PDZD8: variants seen among roughly 807,000 people sequenced by gnomAD.
PDZD8 encodes the protein PDZ domain-containing protein 8.
PDZD8 carries 14 observed loss-of-function variants against 85.8 expected under a neutral mutation model. The ratio of observed to expected loss-of-function variants is 0.16; its 90% confidence interval spans 0.11 to 0.26. PDZD8 has a LOEUF of 0.26. Among genes scored for constraint, PDZD8 ranks in the 10% least tolerant of loss-of-function variants. The pLI is 1.00. For synonymous variants in PDZD8, 592 were observed against 568.6 expected (o/e 1.04, Z -0.59); for missense variants, 1,197 against 1,424.3 (o/e 0.84, Z 2.57).
At chr10:117,324,592 T>C (rs1484165390) in intron 2 of PDZD8, among the ~76,000 whole-genome samples, 1 of 152,182 alleles carries the variant, frequency 6.6e-6, no homozygotes, top group Non-Finnish European at 1.5e-5. Context: ...TTATAAGTAC[T>C]CTGGAATACA....
chr10:117,302,037 A>C (rs1843856540), intron 3 of PDZD8, among the ~76,000 whole-genome samples: 1 of 152,222 alleles, frequency 6.6e-6, no homozygotes, highest in African/African-American at 2.4e-5. Flanking sequence ...AAAGTTAATA[A>C]AACAATTTCT....
At chr10:117,361,974 T>C (rs1287089726) in intron 1 of PDZD8, among the ~76,000 whole-genome samples, 8 of 152,154 alleles carry the variant, frequency 5.3e-5, no homozygotes. Context: ...TGAGCATCTG[T>C]GGATTTTGGT....
intron 1 of PDZD8, among the ~76,000 whole-genome samples, chr10:117,345,933 C>T (rs1844698330): frequency 6.6e-6 from 1 of 152,058 alleles, no homozygotes; most frequent in African/African-American, 2.4e-5. Flanking sequence ...GATTAAAGAA[C>T]TATAGGGGTT....
chr10:117,318,754 C>A, intron 3 of PDZD8, 118 bp downstream of exon 3: 1 of 633,786 alleles, frequency 1.6e-6, no homozygotes, highest in Non-Finnish European at 2.7e-6. Flanking sequence ...TAAATAAGAA[C>A]TGTTCATAGC....
chr10:117,309,616 T>C (rs766468827), intron 3 of PDZD8, among the ~76,000 whole-genome samples: 8 of 152,050 alleles, frequency 5.3e-5, no homozygotes, highest in Non-Finnish European at 1.2e-4. Flanking sequence ...TATTTTCCAT[T>C]TCCATTGCCA....
At chr10:117,353,288 TC>T (rs1313699576) in intron 1 of PDZD8, among the ~76,000 whole-genome samples, 2 of 152,014 alleles carry the variant, frequency 1.3e-5, no homozygotes, top group African/African-American at 4.8e-5. Flanking sequence ...TGACTTGGAG[TC>T]CTAGAGGGAG....
intron 1 of PDZD8, among the ~76,000 whole-genome samples, chr10:117,344,202 G>A (rs1056967402): frequency 1.3e-5 from 2 of 152,120 alleles, no homozygotes; most frequent in Non-Finnish European, 2.9e-5. Context: ...AGTGAAATTC[G>A]TGAAAATTAT....
Position 117,281,322 on chromosome 10 carries a change from C to A in PDZD8, c.*1946G>T, listed in dbSNP as rs1170927335. 3 of 123,842 alleles carry A rather than the reference C, an allele frequency of 2.4e-5. No individual in the cohort carries two copies. The highest frequency in any genetic ancestry group is 4.8e-5 in the Non-Finnish European group (3 of 61,980). The allele number at this position is 123,842 out of a possible 1,614,324, so 7.7% of individuals were successfully genotyped here. Reference sequence around the variant, plus strand: ...TGAGCCGAGATCATGCCACTGCACTCCAGCCTGGGAGACAGCGAGACTCTG... The same window carrying A: ...TGAGCCGAGATCATGCCACTGCACTACAGCCTGGGAGACAGCGAGACTCTG... On this transcript the variant is annotated 3_prime_UTR_variant, in exon 5 of 5. Transcript: ENST00000334464.
intron 2 of PDZD8, among the ~76,000 whole-genome samples, chr10:117,321,331 A>G (rs1226948203): frequency 2.0e-5 from 3 of 152,212 alleles, no homozygotes; most frequent in Non-Finnish European, 4.4e-5. Context: ...GTATTAATAC[A>G]TGCTACATAC....
At chr10:117,362,004 G>C (rs967839434) in intron 1 of PDZD8, among the ~76,000 whole-genome samples, 2 of 152,038 alleles carry the variant, frequency 1.3e-5, no homozygotes, top group African/African-American at 4.8e-5. Context: ...GAATGGGGAG[G>C]GTCCTGGGAC....
Position 117,284,418 on chromosome 10 carries a change from C to T in PDZD8, c.2315G>A (p.Arg772His), listed in dbSNP as rs779972348. 3.3e-5 allele frequency: 53 copies of T among 1,614,002 alleles called. No individual in the cohort carries two copies. The highest frequency in any genetic ancestry group is 4.2e-5 in the Non-Finnish European group (50 of 1,180,030). Residue 772 changes from arginine to histidine, a missense_variant, in exon 5 of 5, where the codon CGC (arginine) becomes CAC (histidine). Coordinates refer to ENST00000334464, the MANE Select transcript of PDZD8 (RefSeq NM_173791.5). ...PKAIVTRTAL[R>H]NLSMQKGFND... ...GAATCCCTTTTGCATACTCAGATTGCGTAGTGCGGTTCTAGTGACTATAGC... is the reference window on the plus strand; with the variant it reads ...GAATCCCTTTTGCATACTCAGATTGTGTAGTGCGGTTCTAGTGACTATAGC...
intron 1 of PDZD8, among the ~76,000 whole-genome samples, chr10:117,366,080 T>C (rs1185384504): frequency 1.3e-5 from 2 of 151,996 alleles, no homozygotes; most frequent in Admixed American, 6.6e-5. Flanking sequence ...CTTCATAGGA[T>C]AGAGAGAGGG....
chr10:117,316,439 A>T (rs1052034275), intron 3 of PDZD8, among the ~76,000 whole-genome samples: 3 of 152,238 alleles, frequency 2.0e-5, no homozygotes, highest in South Asian at 2.1e-4. Context: ...TTGGGAGGCT[A>T]AGGTGGGAGG....
At chr10:117,360,001 T>A (rs1589592565) in intron 1 of PDZD8, among the ~76,000 whole-genome samples, 2 of 150,380 alleles carry the variant, frequency 1.3e-5, no homozygotes, top group Admixed American at 6.7e-5. Flanking sequence ...AAAAAAAAAA[T>A]TTCTCCTGCT....
rs1297006620 is a variant in PDZD8, at chr10:117,279,225, G to A, written c.*4043C>T. The A allele has an allele frequency of 6.6e-6, 1 of 152,170 alleles. No homozygotes were observed. Among genetic ancestry groups the A allele is most frequent in the African/African-American group, 2.4e-5 (1 of 41,420 alleles). The allele number at this position is 152,170 out of a possible 1,614,324, so 9.4% of individuals were successfully genotyped here. A position where few individuals can be genotyped will look rare whatever the true frequency, so the allele number is the denominator to read the frequency against. On this transcript the variant is annotated 3_prime_UTR_variant, in exon 5 of 5. Coordinates refer to ENST00000334464, the MANE Select transcript of PDZD8 (RefSeq NM_173791.5). Reference sequence around the variant, plus strand: ...TCTTGGTTAGCAAGACTGGAAAGAGGTGTTTTTTTAAAATGTACATACCAG... The same window carrying A: ...TCTTGGTTAGCAAGACTGGAAAGAGATGTTTTTTTAAAATGTACATACCAG...
At chr10:117,302,641 T>C (rs961235280) in intron 3 of PDZD8, among the ~76,000 whole-genome samples, 3 of 152,188 alleles carry the variant, frequency 2.0e-5, no homozygotes, top group African/African-American at 7.2e-5. Context: ...GTATCTGATA[T>C]GGTTTGGCTG....
At chr10:117,342,335 C>G (rs987577125) in intron 1 of PDZD8, among the ~76,000 whole-genome samples, 1 of 151,446 alleles carries the variant, frequency 6.6e-6, no homozygotes, top group Non-Finnish European at 1.5e-5. Flanking sequence ...TTGTCACTAG[C>G]CATGATATCT....
At chr10:117,326,552 C>A (rs1368935141) in intron 2 of PDZD8, among the ~76,000 whole-genome samples, 1 of 152,220 alleles carries the variant, frequency 6.6e-6, no homozygotes, top group African/African-American at 2.4e-5. Context: ...CAAACAGCTT[C>A]TGTAGGTAAC....
At chr10:117,289,306 G>A (rs956257591) in intron 4 of PDZD8, among the ~76,000 whole-genome samples, 1 of 152,224 alleles carries the variant, frequency 6.6e-6, no homozygotes, top group Admixed American at 6.5e-5. Context: ...ATCAAAGGCA[G>A]AGTTTCTTTG....
Sources: allele counts gnomAD v4.1 joint callset (sites outside exome capture counted in the v4.1 genomes callset), GRCh38; gene constraint gnomAD v4.1.1; transcripts MANE v1.5; gene names NCBI Gene and HGNC (gene_info 2026-07-23, HGNC 2026-07-21).